BRD4: variants seen among roughly 807,000 people sequenced by gnomAD.
The protein encoded by BRD4 is bromodomain-containing protein 4.
A neutral mutation model predicts 142.1 loss-of-function variants in BRD4; 16 were observed. The ratio of observed to expected loss-of-function variants is 0.11; its 90% CI spans 0.08 to 0.17. The LOEUF is 0.17. Among genes scored for constraint, BRD4 ranks in the 10% least tolerant of loss-of-function variants. The pLI, the probability that BRD4 is intolerant of heterozygous loss-of-function variation, is 1.00. For synonymous variants in BRD4, 833 were observed against 707.5 expected (o/e 1.18, Z -2.82); for missense variants, 1,424 against 1,810.9 (o/e 0.79, Z 3.88).
At chr19:15,264,338 G>C (rs1032689894) in intron 6 of BRD4, 66 bp downstream of exon 6, 40 of 1,529,186 alleles carry the variant, frequency 2.6e-5, no homozygotes, top group South Asian at 5.1e-5. Flanking sequence ...AAAAGGTCTA[G>C]GAAGGTTCTG....
In BRD4 at chr19:15,265,423, T is replaced by G. The variant is rs1449267256; in HGVS notation, c.780A>C (p.Pro260=). 2.2e-5 allele frequency: 24 copies of G among 1,112,734 alleles called. No individual in the cohort carries two copies. The highest frequency in any genetic ancestry group is 1.9e-4 in the African/African-American group (8 of 42,770). 68.9% of individuals were successfully genotyped at this position (1,112,734 alleles called of 1,614,324 possible). ...PPPVPPQPQP[P]PAPAPQPVQS... ...GTACGGGCTGGGGAGCTGGAGCGGG[T>G]GGGGGTTGTGGCTGGGGGGGCACTG... Residue 260 remains proline, a synonymous_variant, in exon 5 of 20, where the codon CCA becomes CCC. Transcript: ENST00000679869.
At chr19:15,252,184 G>C (rs1013280686) in intron 11 of BRD4, among the ~76,000 whole-genome samples, 6 of 152,180 alleles carry the variant, frequency 3.9e-5, no homozygotes, top group Non-Finnish European at 7.3e-5. Flanking sequence ...CCCAGAAGAG[G>C]GACGCAGAGG....
intron 11 of BRD4, chr19:15,249,417 C>A: frequency 6.6e-7 from 1 of 1,525,936 alleles, no homozygotes; most frequent in Non-Finnish European, 8.9e-7. Context: ...GGCACAAGAA[C>A]GGCACTGGAG....
intron 1 of BRD4, among the ~76,000 whole-genome samples, chr19:15,313,632 C>T (rs372745100): frequency 5.4e-5 from 8 of 148,492 alleles, no homozygotes; most frequent in African/African-American, 7.5e-5. Context: ...GCCGAGATTG[C>T]GCACTGCACT....
At chr19:15,307,882 T>G (rs1377522230) in intron 1 of BRD4, among the ~76,000 whole-genome samples, 3 of 151,230 alleles carry the variant, frequency 2.0e-5, no homozygotes, top group Non-Finnish European at 4.4e-5. Flanking sequence ...TGGGAGGCCC[T>G]GGCGGGCGGA....
At chr19:15,280,592 A>G in intron 1 of BRD4, 1 of 296,562 alleles carries the variant, frequency 3.4e-6, no homozygotes, top group East Asian at 1.2e-4. Flanking sequence ...GGGCAAGGGG[A>G]AGGGACACCA....
intron 1 of BRD4, among the ~76,000 whole-genome samples, chr19:15,278,605 GT>G (rs149915781): frequency 2.1e-3 from 284 of 137,926 alleles, no homozygotes; most frequent in East Asian, 5.1e-3. Context: ...ATATATTCCT[GT>G]TTTTTTTTTT....
chr19:15,317,155 C>T (rs990006964), intron 1 of BRD4, among the ~76,000 whole-genome samples: 1 of 152,232 alleles, frequency 6.6e-6, no homozygotes, highest in Non-Finnish European at 1.5e-5. Context: ...GACCCTGCAA[C>T]CCTGCCCAAG....
In BRD4 at chr19:15,315,513, G is replaced by A. The variant is rs559421854; in HGVS notation, c.-35+16777C>T. On this transcript the variant is annotated intron_variant, in intron 1 of 19. Transcript: ENST00000679869. ...GAAACAGAATCCTTAAGGGGATTGGGGGGGGGAAGCACCCATGAGCTAGAA... is the reference window on the plus strand; with the variant it reads ...GAAACAGAATCCTTAAGGGGATTGGAGGGGGGAAGCACCCATGAGCTAGAA... Among the ~76,000 whole-genome samples, 39 of 152,276 alleles carry A rather than the reference G, an allele frequency of 2.6e-4. 1 individual carries two copies. The highest frequency in any genetic ancestry group is 6.8e-3 in the Middle Eastern group (2 of 294).
At chr19:15,276,807 G>A (rs2047651739) in intron 1 of BRD4, among the ~76,000 whole-genome samples, 2 of 152,164 alleles carry the variant, frequency 1.3e-5, no homozygotes, top group South Asian at 4.1e-4. Flanking sequence ...GGACTCAGCG[G>A]TTGACATGGC....
chr19:15,319,265 T>C (rs2048041658), intron 1 of BRD4, among the ~76,000 whole-genome samples: 2 of 151,756 alleles, frequency 1.3e-5, no homozygotes, highest in African/African-American at 2.4e-5. Context: ...AGCCCAGGAG[T>C]TGCAGCCTGG....
intron 2 of BRD4, among the ~76,000 whole-genome samples, chr19:15,271,020 C>T (rs1228067537): frequency 6.6e-6 from 1 of 152,184 alleles, no homozygotes; most frequent in Non-Finnish European, 1.5e-5. Context: ...AACGTCCTGG[C>T]CACTCTCCAG....
chr19:15,329,369 T>C (rs746453567), intron 1 of BRD4, among the ~76,000 whole-genome samples: 2 of 152,136 alleles, frequency 1.3e-5, no homozygotes, highest in African/African-American at 4.8e-5. Flanking sequence ...TACAACACAC[T>C]ATACAGTAGG....
chr19:15,320,861 T>C (rs1241076066), intron 1 of BRD4, among the ~76,000 whole-genome samples: 1 of 152,238 alleles, frequency 6.6e-6, no homozygotes, highest in South Asian at 2.1e-4. Flanking sequence ...CTAATTCTGG[T>C]TTACAAACTA....
chr19:15,316,165 A>AC (rs2048016626), intron 1 of BRD4, among the ~76,000 whole-genome samples: 1 of 150,484 alleles, frequency 6.6e-6, no homozygotes, highest in Middle Eastern at 3.2e-3. Context: ...CAAAAAAAAA[A>AC]AAAAAAAAAA....
intron 7 of BRD4, 99 bp from the exon 8 acceptor site, chr19:15,257,272 G>GA: frequency 8.6e-7 from 1 of 1,157,084 alleles, no homozygotes. Context: ...TCAACAGAAA[G>GA]CAACCGAGGG....
At chr19:15,289,523 C>A (rs2047765133) in intron 1 of BRD4, among the ~76,000 whole-genome samples, 1 of 152,132 alleles carries the variant, frequency 6.6e-6, no homozygotes, top group Admixed American at 6.5e-5. Context: ...TGCACTCCAG[C>A]CTGGGCAACA....
chr19:15,253,599 G>T (rs1329822058), intron 11 of BRD4: 1 of 1,591,946 alleles, frequency 6.3e-7, no homozygotes, highest in East Asian at 2.2e-5. Flanking sequence ...CTGGGGAGGG[G>T]TAGGCAATGG....
chr19:15,270,198 C>T (rs2047572385), intron 2 of BRD4, among the ~76,000 whole-genome samples: 1 of 152,240 alleles, frequency 6.6e-6, no homozygotes, highest in Non-Finnish European at 1.5e-5. Context: ...AGCAGGTATA[C>T]TAACAGCAAG....
Sources: allele counts gnomAD v4.1 joint callset (sites outside exome capture counted in the v4.1 genomes callset), GRCh38; gene constraint gnomAD v4.1.1; transcripts MANE v1.5; gene names NCBI Gene and HGNC (gene_info 2026-07-23, HGNC 2026-07-21).